Variants in PACRG observed in about 807,000 individuals in gnomAD.
The protein encoded by PACRG is parkin coregulated gene protein.
In PACRG, 29 loss-of-function variants were observed where a neutral mutation model predicts 29.7. The ratio of observed to expected loss-of-function variants is 0.98; its 90% confidence interval spans 0.73 to 1.33. The LOEUF (loss-of-function observed/expected upper bound fraction) is 1.33, where lower values mean the gene tolerates loss of function less well. PACRG is among the 40% of genes most tolerant of loss of function. The probability of loss-of-function intolerance (pLI) is 0.00; values close to 1 mark genes in which losing one functional copy is unlikely to be tolerated. For missense variants in PACRG, 279 were observed against 316.2 expected (o/e 0.88, Z 0.89); for synonymous variants, 116 against 118.7 (o/e 0.98, Z 0.15).
chr6:163,195,688 C>T (rs1284011391), intron 4 of PACRG, among the ~76,000 whole-genome samples: 1 of 152,214 alleles, frequency 6.6e-6, no homozygotes, highest in Non-Finnish European at 1.5e-5. Flanking sequence ...GCCCGACCCC[C>T]CTCTCAGCCT....
intron 4 of PACRG, among the ~76,000 whole-genome samples, chr6:163,228,730 T>C (rs1014073115): frequency 6.6e-6 from 1 of 152,194 alleles, no homozygotes; most frequent in Non-Finnish European, 1.5e-5. Context: ...GAAACCTTTA[T>C]AAATTGGAAT....
chr6:163,031,049 G>A (rs866237997), intron 2 of PACRG, among the ~76,000 whole-genome samples: 5 of 152,152 alleles, frequency 3.3e-5, no homozygotes, highest in Non-Finnish European at 7.3e-5. Context: ...AGGGTCTCTT[G>A]TGTTCAGGGT....
At chr6:162,793,385 TAA>T (rs1486916458) in intron 1 of PACRG, among the ~76,000 whole-genome samples, 1 of 152,182 alleles carries the variant, frequency 6.6e-6, no homozygotes, top group Non-Finnish European at 1.5e-5. Context: ...TTTTCAGAAG[TAA>T]AGAGTAAAAA....
chr6:163,106,339 A>G (rs1020206375), intron 4 of PACRG, among the ~76,000 whole-genome samples: 2 of 152,206 alleles, frequency 1.3e-5, no homozygotes, highest in Non-Finnish European at 2.9e-5. Context: ...TATTGGTTTA[A>G]TCTTCCAGTG....
chr6:162,820,909 T>C (rs558160446), intron 2 of PACRG, among the ~76,000 whole-genome samples: 1 of 152,052 alleles, frequency 6.6e-6, no homozygotes, highest in African/African-American at 2.4e-5. Context: ...TCTGCCACGT[T>C]CCCACAATTA....
chr6:163,071,880 A>T (rs955243484), intron 3 of PACRG, among the ~76,000 whole-genome samples: 1 of 151,654 alleles, frequency 6.6e-6, no homozygotes, highest in African/African-American at 2.4e-5. Flanking sequence ...AGGTTGAATC[A>T]TAAAGAAATC....
intron 2 of PACRG, among the ~76,000 whole-genome samples, chr6:162,868,463 G>C (rs1211713385): frequency 6.6e-6 from 1 of 152,212 alleles, no homozygotes; most frequent in Non-Finnish European, 1.5e-5. Flanking sequence ...GCCAGCCGCC[G>C]CAGCACAGTG....
chr6:163,277,494 TAC>T (rs1554239308), intron 4 of PACRG, among the ~76,000 whole-genome samples: 6 of 73,444 alleles, frequency 8.2e-5, no homozygotes, highest in Admixed American at 1.2e-4. Flanking sequence ...TATATATATA[TAC>T]ACACATACAC....
At chr6:162,737,579 C>T (rs575420172) in intron 1 of PACRG, among the ~76,000 whole-genome samples, 4 of 152,184 alleles carry the variant, frequency 2.6e-5, no homozygotes, top group South Asian at 2.1e-4. Context: ...GAATTTTTAA[C>T]GAATGTCCAC....
intron 4 of PACRG, among the ~76,000 whole-genome samples, chr6:163,233,226 G>A (rs1782114385): frequency 6.6e-6 from 1 of 152,156 alleles, no homozygotes; most frequent in African/African-American, 2.4e-5. Flanking sequence ...CTACATCTCT[G>A]TTAGGAGATT....
Position 162,838,185 on chromosome 6 carries a change from G to A in PACRG, c.291+23904G>A, listed in dbSNP as rs147332886. Among the ~76,000 whole-genome samples the A allele has an allele frequency of 7.4e-4, 112 of 152,146 alleles. No homozygotes were observed. The East Asian group carries it at 0.014, about 18-fold the overall frequency. On this transcript the variant is annotated intron_variant, in intron 2 of 4. Transcript: ENST00000366888. ...GGTATAGGAGTTTATGCCAACTGCC[G>A]TAGAAAATAATCCTCTGAATCTCCG...
rs113162899 is a variant in PACRG at position 163,196,910 on chromosome 6, A to G, written c.613+107502A>G. Among the ~76,000 whole-genome samples, 174 of 143,388 alleles carry G rather than the reference A, an allele frequency of 1.2e-3. 1 individual carries two copies. Among genetic ancestry groups the G allele is most frequent in the African/African-American group, 4.8e-3 (170 of 35,714 alleles). 94.1% of individuals were successfully genotyped at this position (143,388 alleles called of 152,430 possible). On this transcript the variant is annotated intron_variant, in intron 4 of 4. Transcript: ENST00000366888. ...ATGGATAGACATGTAGACAGACTAG[A>G]CAGACAGACTAGACAGATAGATAGA...
At chr6:162,831,287 T>C (rs1224163424) in intron 2 of PACRG, among the ~76,000 whole-genome samples, 1 of 152,168 alleles carries the variant, frequency 6.6e-6, no homozygotes, top group Non-Finnish European at 1.5e-5. Context: ...CAATTTATAT[T>C]TATTGCTTTT....
chr6:163,222,715 A>C (rs1309199838), intron 4 of PACRG, among the ~76,000 whole-genome samples: 6 of 152,212 alleles, frequency 3.9e-5, no homozygotes, highest in Non-Finnish European at 8.8e-5. Context: ...CCAAGAAAGA[A>C]AAATTAAGAG....
chr6:162,983,486 T>C (rs539168879), intron 2 of PACRG, among the ~76,000 whole-genome samples: 1 of 152,166 alleles, frequency 6.6e-6, no homozygotes, highest in South Asian at 2.1e-4. Flanking sequence ...TTTTACCATT[T>C]CTTATAATGC....
intron 1 of PACRG, among the ~76,000 whole-genome samples, chr6:162,795,006 C>G (rs1026765105): frequency 6.7e-6 from 1 of 149,826 alleles, no homozygotes; most frequent in Non-Finnish European, 1.5e-5. Context: ...GTGGGGAGAC[C>G]GTTATTTTAA....
intron 4 of PACRG, among the ~76,000 whole-genome samples, chr6:163,229,621 T>G (rs1207600448): frequency 6.6e-6 from 1 of 152,162 alleles, no homozygotes; most frequent in Non-Finnish European, 1.5e-5. Context: ...TCCCCTTCAG[T>G]TAGTTAGTCT....
intron 2 of PACRG, among the ~76,000 whole-genome samples, chr6:162,870,278 G>A (rs187265246): frequency 3.5e-4 from 54 of 152,270 alleles, no homozygotes; most frequent in Middle Eastern, 3.4e-3. Context: ...CATTCTACTA[G>A]TATTATTCTT....
intron 2 of PACRG, among the ~76,000 whole-genome samples, chr6:162,969,699 T>A (rs1368973386): frequency 6.6e-6 from 1 of 152,098 alleles, no homozygotes; most frequent in Non-Finnish European, 1.5e-5. Flanking sequence ...CTCGGCATGG[T>A]GTGGTTTGCT....
Sources: allele counts gnomAD v4.1 joint callset (sites outside exome capture counted in the v4.1 genomes callset), GRCh38; gene constraint gnomAD v4.1.1; transcripts MANE v1.5; gene names NCBI Gene and HGNC (gene_info 2026-07-23, HGNC 2026-07-21).